TMPRSS4: variants seen among roughly 807,000 people sequenced by gnomAD.
The protein encoded by TMPRSS4 is transmembrane protease serine 4.
Under a neutral mutation model 56.4 loss-of-function variants are expected in TMPRSS4, and 45 were observed. The observed-to-expected ratio is 0.80, with a 90% confidence interval of 0.63 to 1.02. The LOEUF (loss-of-function observed/expected upper bound fraction) is 1.02. Among genes scored for constraint, TMPRSS4 ranks in the 50% least tolerant of loss-of-function variants. The pLI is 0.00. For missense variants in TMPRSS4, 546 were observed against 556.7 expected, an observed-to-expected ratio of 0.98 and a Z score of 0.19; for synonymous variants, 205 against 211.0, an observed-to-expected ratio of 0.97 and a Z score of 0.25.
At chr11:118,107,734 G>A in intron 5 of TMPRSS4, 40 bp from the exon 6 acceptor site, 11 of 1,579,456 alleles carry the variant, frequency 7.0e-6, no homozygotes, top group Non-Finnish European at 9.6e-6. Context: ...CTAACCCCCT[G>A]CCCCAGCTCA....
At chr11:118,112,974 G>A (rs915654182) in intron 8 of TMPRSS4, among the ~76,000 whole-genome samples, 2 of 152,050 alleles carry the variant, frequency 1.3e-5, no homozygotes, top group South Asian at 2.1e-4. Context: ...AAAGGTTGGA[G>A]GAGAGAGCGC....
rs1048535986 is a variant in TMPRSS4 at position 118,077,398 on chromosome 11, A to G, written c.3+93A>G. On this transcript the variant is annotated intron_variant, in intron 1 of 12. Coordinates refer to ENST00000437212, the MANE Select transcript of TMPRSS4 (RefSeq NM_019894.4). The stretch of plus-strand genomic sequence containing the variant: ...CAGCCTGAGCATCCATCAGCTGAGA[A>G]TTCTGTGACACCTTCTAGGTTAAAA... 9 of 1,408,530 alleles carry G rather than the reference A, an allele frequency of 6.4e-6. No individual in the cohort carries two copies. The South Asian group carries it at 1.1e-4, about 18-fold the overall frequency. The allele number at this position is 1,408,530 out of a possible 1,614,324, so 87.3% of individuals were successfully genotyped here.
intron 8 of TMPRSS4, 98 bp downstream of exon 8, chr11:118,111,998 C>G (rs1252553019): frequency 4.0e-6 from 6 of 1,490,674 alleles, no homozygotes; most frequent in East Asian, 5.1e-5. Flanking sequence ...TCTCTTCACT[C>G]TCCCACTAGA....
chr11:118,094,570 A>C (rs1946181779), intron 1 of TMPRSS4, among the ~76,000 whole-genome samples: 1 of 152,258 alleles, frequency 6.6e-6, no homozygotes, highest in Admixed American at 6.5e-5. Context: ...ACCAGCAGCC[A>C]GTTGCTTCTA....
At chr11:118,084,391 T>C (rs1945387471) in intron 1 of TMPRSS4, among the ~76,000 whole-genome samples, 1 of 152,232 alleles carries the variant, frequency 6.6e-6, no homozygotes, top group South Asian at 2.1e-4. Context: ...GAACTTCAGG[T>C]TATGCAACTG....
Position 118,111,883 on chromosome 11 carries a change from G to A in TMPRSS4, c.726G>A (p.Thr242=), listed in dbSNP as rs1313936611. 1.9e-6 allele frequency: 3 copies of A among 1,608,526 alleles called. No homozygotes were observed. Among genetic ancestry groups the A allele is most frequent in the Non-Finnish European group, 2.5e-6 (3 of 1,177,694 alleles). ...TCCTGGACCCCCACTGGGTCCTCAC[G>A]GCAGCCCACTGCTTCAGGTAAGACC... The part of the protein sequence containing the change: ...GSILDPHWVL[T]AAHCFRKHTD... The change falls in exon 8 of 13, where the codon ACG becomes ACA. Residue 242 remains threonine (T), a synonymous_variant. Coordinates refer to ENST00000437212, the MANE Select transcript of TMPRSS4 (RefSeq NM_019894.4).
intron 2 of TMPRSS4, among the ~76,000 whole-genome samples, chr11:118,097,982 C>A (rs1565424736): frequency 6.6e-6 from 1 of 152,142 alleles, no homozygotes; most frequent in Non-Finnish European, 1.5e-5. Flanking sequence ...GTTGGCCAGG[C>A]TGGTCTTGAA....
chr11:118,087,246 C>T (rs1158404498), intron 1 of TMPRSS4, among the ~76,000 whole-genome samples: 35 of 152,168 alleles, frequency 2.3e-4, no homozygotes. Context: ...TCTGCCCTTA[C>T]TGACTTCTTT....
intron 1 of TMPRSS4, among the ~76,000 whole-genome samples, chr11:118,083,455 G>A (rs1021302913): frequency 6.6e-6 from 1 of 152,084 alleles, no homozygotes; most frequent in African/African-American, 2.4e-5. Flanking sequence ...CTGAAGCCAA[G>A]CCCCGGGGCC....
rs1178489171 is a variant in TMPRSS4, at chr11:118,115,184, C to T, written c.1056C>T (p.Asp352=). 1 of 1,612,682 alleles carries T rather than the reference C, an allele frequency of 6.2e-7. No individual in the cohort carries two copies. The highest frequency in any genetic ancestry group is 1.1e-5 in the South Asian group (1 of 90,272). Residue 352 remains aspartate, a synonymous_variant, in exon 11 of 13, where the codon GAC becomes GAT. Transcript: ENST00000437212. Reference sequence around the variant, plus strand: ...TGCAGGCGTCAGTCCAGGTCATTGACAGCACACGGTGCAATGCAGACGATG... The same window carrying T: ...TGCAGGCGTCAGTCCAGGTCATTGATAGCACACGGTGCAATGCAGACGATG... ...ILLQASVQVI[D]STRCNADDAY...
At chr11:118,083,681 T>C (rs1405384221) in intron 1 of TMPRSS4, among the ~76,000 whole-genome samples, 1 of 152,208 alleles carries the variant, frequency 6.6e-6, no homozygotes, top group Non-Finnish European at 1.5e-5. Flanking sequence ...GGTTCACTGC[T>C]AGGTCTCCAG....
intron 3 of TMPRSS4, among the ~76,000 whole-genome samples, chr11:118,102,578 A>T (rs761432110): frequency 1.2e-4 from 19 of 152,146 alleles, no homozygotes; most frequent in Admixed American, 9.2e-4. Context: ...GTGTGGTGGC[A>T]TGTGCCTGTA....
chr11:118,094,968 G>T (rs1946204529), intron 2 of TMPRSS4, 113 bp downstream of exon 2: 2 of 1,108,382 alleles, frequency 1.8e-6, no homozygotes, highest in East Asian at 5.1e-5. Context: ...AGTGCTAAGT[G>T]CCATGAGTGA....
At chr11:118,116,601 T>G (rs1015927207) in intron 11 of TMPRSS4, among the ~76,000 whole-genome samples, 1 of 69,162 alleles carries the variant, frequency 1.4e-5, no homozygotes, top group Non-Finnish European at 2.6e-5. Context: ...GGGATCTTTG[T>G]TTTTTTTCAT....
chr11:118,118,174 A>G lies in TMPRSS4; in HGVS notation c.*261A>G. 2.1e-6 allele frequency: 3 copies of G among 1,405,426 alleles called. No individual in the cohort carries two copies. The highest frequency in any genetic ancestry group is 2.8e-6 in the Non-Finnish European group (3 of 1,083,072). 87.1% of individuals were successfully genotyped at this position (1,405,426 alleles called of 1,614,324 possible). On this transcript the variant is annotated 3_prime_UTR_variant, in exon 13 of 13. Transcript: ENST00000437212. ...CAGGGAGAGACACAGCCCACTGAAC[A>G]AGGTCTCAGGGGTATTGCTAAGCCA... is the stretch of plus-strand genomic sequence containing the variant.
Position 118,118,774 on chromosome 11 carries a change from G to A in TMPRSS4, c.*861G>A, listed in dbSNP as rs749337664. ...AGAGATGAGTTAGGCAGTCAAGGGT[G>A]ACATTCAATCAGGGATCCACAAGTG... On this transcript the variant is annotated 3_prime_UTR_variant, in exon 13 of 13. Transcript: ENST00000437212. 33 of 985,358 alleles carry A rather than the reference G, an allele frequency of 3.3e-5. No homozygotes were observed. The highest frequency in any genetic ancestry group is 3.6e-5 in the Non-Finnish European group (30 of 829,964). The allele number at this position is 985,358 out of a possible 1,614,324, so 61.0% of individuals were successfully genotyped here.
In TMPRSS4 at chr11:118,099,047, A is replaced by G; in HGVS notation, c.106A>G (p.Ile36Val). The change falls in exon 3 of 13, where the codon ATC (isoleucine) becomes GTC (valine). Residue 36 changes from isoleucine to valine, a missense_variant. Transcript: ENST00000437212. ...METFRKVGIP[I>V]IIALLSLASI... ...GACCTTCAGAAAGGTGGGGATCCCC[A>G]TCATCATAGCACTACTGAGCCTGGC... 6.2e-7 allele frequency: 1 copy of G among 1,613,884 alleles called. No homozygotes were observed. The highest frequency in any genetic ancestry group is 8.5e-7 in the Non-Finnish European group (1 of 1,179,922).
chr11:118,115,635 C>T (rs144283359), intron 11 of TMPRSS4: 4,883 of 207,052 alleles, frequency 0.024, 246 homozygotes, highest in African/African-American at 0.1. Flanking sequence ...GCCTGGCCAA[C>T]ATGGTGAAAT....
chr11:118,095,802 T>C (rs1042777015), intron 2 of TMPRSS4, among the ~76,000 whole-genome samples: 2 of 152,200 alleles, frequency 1.3e-5, no homozygotes, highest in East Asian at 3.8e-4. Context: ...TGGAAGTCTC[T>C]TGTAGGCCCT....
Sources: allele counts gnomAD v4.1 joint callset (sites outside exome capture counted in the v4.1 genomes callset), GRCh38; gene constraint gnomAD v4.1.1; transcripts MANE v1.5; gene names NCBI Gene and HGNC (gene_info 2026-07-23, HGNC 2026-07-21).